Variants in KCNG4 observed in about 807,000 individuals in gnomAD.
The protein encoded by KCNG4 is potassium voltage-gated channel modifier subfamily G member 4, also known as voltage-gated potassium channel regulatory subunit KCNG4.
In KCNG4, 30 loss-of-function variants were observed where a neutral mutation model predicts 28.2. That is an observed-to-expected ratio of 1.06 (90% CI 0.80 to 1.44). KCNG4 has a LOEUF of 1.44. Among genes scored for constraint, KCNG4 ranks in the 40% most tolerant of loss-of-function variants. The probability of loss-of-function intolerance (pLI) is 0.00; values close to 1 mark genes in which losing one functional copy is unlikely to be tolerated. For synonymous variants in KCNG4, 375 were observed against 315.5 expected (o/e 1.19, Z -2.00); for missense variants, 879 against 712.3 (o/e 1.23, Z -2.66).
At chr16:84,229,610 C>T (rs1279755740) in intron 2 of KCNG4, among the ~76,000 whole-genome samples, 2 of 152,326 alleles carry the variant, frequency 1.3e-5, no homozygotes, top group African/African-American at 2.4e-5. Context: ...TCCCAGTGTC[C>T]AGCACAGGCC....
In KCNG4 at chr16:84,237,284, T is replaced by C. The variant is rs35075881; in HGVS notation, c.202A>G (p.Arg68Gly). The C allele has an allele frequency of 4.7e-4, 759 of 1,607,368 alleles. 7 individuals are homozygous for C. In the African/African-American group the frequency reaches 9.4e-3, roughly 20 times the overall value. Residue 68 changes from arginine (R) to glycine (G), a missense_variant, in exon 2 of 3, where the codon AGG becomes GGG. Coordinates refer to ENST00000308251, the MANE Select transcript of KCNG4 (RefSeq NM_172347.3). ...GTGCTCCAGGGGAGGAGATACCTCC[T>C]GCCCCCCACGTTGATCAGGATCTCC... The part of the protein sequence containing the change: ...KKEILINVGG[R>G]RYLLPWSTLD...
intron 1 of KCNG4, among the ~76,000 whole-genome samples, chr16:84,238,973 C>G (rs1389391785): frequency 6.6e-6 from 1 of 152,190 alleles, no homozygotes; most frequent in Admixed American, 6.5e-5. Flanking sequence ...TTAGCCACTT[C>G]ACATATTTAA....
rs557611723 is a variant in KCNG4, at chr16:84,239,369, C to T, written c.-41+301G>A. ...ATTTTCCCAGTGCAAAAACCAAGACCCAGCGAGCGGAAGTAACTTGTCCAA... is the reference window on the plus strand; with the variant it reads ...ATTTTCCCAGTGCAAAAACCAAGACTCAGCGAGCGGAAGTAACTTGTCCAA... On this transcript the variant is annotated intron_variant, in intron 1 of 2. Coordinates refer to ENST00000308251, the MANE Select transcript of KCNG4 (RefSeq NM_172347.3). Among the ~76,000 whole-genome samples the T allele has an allele frequency of 2.6e-5, 4 of 152,248 alleles. No individual in the cohort carries two copies. The South Asian group carries it at 8.3e-4, about 32-fold the overall frequency.
At position 84,220,006 on chromosome 16, in the gene KCNG4, T is replaced by C. The variant is rs1368304447; in HGVS notation, c.*2211A>G. 2 of 151,944 alleles carry C rather than the reference T, an allele frequency of 1.3e-5. No homozygotes were observed. The highest frequency in any genetic ancestry group is 2.4e-5 in the African/African-American group (1 of 41,364). The allele number at this position is 151,944 out of a possible 1,614,324, so 9.4% of individuals were successfully genotyped here. A position where few individuals can be genotyped will look rare whatever the true frequency, so the allele number is the denominator to read the frequency against. On this transcript the variant is annotated 3_prime_UTR_variant, in exon 3 of 3. Transcript: ENST00000308251. ...TGAACCCAGGAGGCGGAGGTTGCAG[T>C]GAGCTGGGATCAAGCCACTGCACTC...
rs777894951 is a variant in KCNG4, at chr16:84,222,758, C to T, written c.1019G>A (p.Arg340Gln). ...EKVGLVLRVL[R>Q]ALRILYVMRL... ...CATCACGTAGAGGATGCGCAGCGCT[C>T]GCAGCACACGCAGGACCAGCCCCAC... Residue 340 changes from arginine (R) to glutamine (Q), a missense_variant, in exon 3 of 3, where the codon CGA becomes CAA. Coordinates refer to ENST00000308251, the MANE Select transcript of KCNG4 (RefSeq NM_172347.3). 3.1e-5 allele frequency: 50 copies of T among 1,611,514 alleles called. No homozygotes were observed. Among genetic ancestry groups the T allele is most frequent in the Non-Finnish European group, 3.9e-5 (46 of 1,178,864 alleles).
Position 84,222,016 on chromosome 16 carries a change from G to A in KCNG4, c.*201C>T. ...GAGAGAGGAAAAGGCAAGCAGGCTG[G>A]ACACAGTCAGCCTGGGACATCGGGG... is the stretch of plus-strand genomic sequence containing the variant. On this transcript the variant is annotated 3_prime_UTR_variant, in exon 3 of 3. Transcript: ENST00000308251. 1 of 609,430 alleles carries A rather than the reference G, an allele frequency of 1.6e-6. No individual in the cohort carries two copies. The allele number at this position is 609,430 out of a possible 1,614,324, so 37.8% of individuals were successfully genotyped here.
At position 84,239,846 on chromosome 16, in the gene KCNG4, G is replaced by C. The variant is rs1236706653; in HGVS notation, c.-217C>G. 2 of 152,002 alleles carry C rather than the reference G, an allele frequency of 1.3e-5. No homozygotes were observed. Among genetic ancestry groups the C allele is most frequent in the Non-Finnish European group, 2.9e-5 (2 of 68,016 alleles). The allele number at this position is 152,002 out of a possible 1,614,324, so 9.4% of individuals were successfully genotyped here. A position where few individuals can be genotyped will look rare whatever the true frequency, so the allele number is the denominator to read the frequency against. On this transcript the variant is annotated 5_prime_UTR_variant, in exon 1 of 3. Coordinates refer to ENST00000308251, the MANE Select transcript of KCNG4 (RefSeq NM_172347.3). ...AATCTTTCTTCCCGTGCCTCCTCCA[G>C]AAACCAGAAGTTCATTCATTCTGCA...
chr16:84,220,860 C>G lies in KCNG4; in HGVS notation c.*1357G>C, dbSNP rs1408158367. On this transcript the variant is annotated 3_prime_UTR_variant, in exon 3 of 3. Transcript: ENST00000308251. ...ACTGGGCTTCTCATGCCCAATCCAG[C>G]CTCATCATCTCCCTAACCCACAGCC... is the stretch of plus-strand genomic sequence containing the variant. The G allele has an allele frequency of 1.3e-5, 2 of 152,328 alleles. No homozygotes were observed. Among genetic ancestry groups the G allele is most frequent in the African/African-American group, 4.8e-5 (2 of 41,470 alleles). 9.4% of individuals were successfully genotyped at this position (152,328 alleles called of 1,614,324 possible).
Position 84,237,277 on chromosome 16 carries a change from TA to T in KCNG4, c.208del (p.Tyr70IlefsTer13), listed in dbSNP as rs1451605262. 5 of 1,610,458 alleles carry T rather than the reference TA, an allele frequency of 3.1e-6. No homozygotes were observed. ...EILINVGGRR[Y>X]LLPWSTLDRF... The stretch of plus-strand genomic sequence containing the variant: ...GTCCAGTGTGCTCCAGGGGAGGAGA[TA>T]CCTCCTGCCCCCCACGTTGATCAGG... On this transcript the variant is annotated frameshift_variant, in exon 2 of 3. Transcript: ENST00000308251. LOFTEE classifies it high-confidence loss of function.
At position 84,222,859 on chromosome 16, in the gene KCNG4, G is replaced by T. The variant is rs1209336576; in HGVS notation, c.918C>A (p.Tyr306Ter). The part of the protein sequence containing the change: ...NIIDILAISP[Y>*]YVSLAVSEEP... ...CCTCAGACACCGCCAGCGACACGTAGTATGGGGAGATGGCCAGGATGTCGA... is the reference window on the plus strand; with the variant it reads ...CCTCAGACACCGCCAGCGACACGTATTATGGGGAGATGGCCAGGATGTCGA... Residue 306 changes from tyrosine (Y) to a stop codon, truncating the protein, a stop_gained, in exon 3 of 3, where the codon TAC becomes TAA. Coordinates refer to ENST00000308251, the MANE Select transcript of KCNG4 (RefSeq NM_172347.3). LOFTEE classifies it high-confidence loss of function. The T allele has an allele frequency of 2.5e-6, 4 of 1,612,394 alleles. No individual in the cohort carries two copies. Among genetic ancestry groups the T allele is most frequent in the Non-Finnish European group, 3.4e-6 (4 of 1,178,848 alleles).
rs1904502797 is a variant in KCNG4 at position 84,219,416 on chromosome 16, G to A, written c.*2801C>T. 1 of 152,256 alleles carries A rather than the reference G, an allele frequency of 6.6e-6. No homozygotes were observed. The highest frequency in any genetic ancestry group is 6.5e-5 in the Admixed American group (1 of 15,282). 9.4% of individuals were successfully genotyped at this position (152,256 alleles called of 1,614,324 possible). ...GGAGACTTTGTCCTTTTACTATTTT[G>A]CCTAAGCGTAGTTATTAAAATGTTA... On this transcript the variant is annotated 3_prime_UTR_variant, in exon 3 of 3. Coordinates refer to ENST00000308251, the MANE Select transcript of KCNG4 (RefSeq NM_172347.3).
At chr16:84,223,858 T>C (rs184780452) in intron 2 of KCNG4, among the ~76,000 whole-genome samples, 7 of 152,292 alleles carry the variant, frequency 4.6e-5, no homozygotes, top group Non-Finnish European at 1.5e-5. Flanking sequence ...ACAGATATCG[T>C]TTCTGATGGC....
rs1698207195 is a variant in KCNG4 at position 84,221,935 on chromosome 16, G to C, written c.*282C>G. The C allele has an allele frequency of 8.9e-6, 4 of 447,876 alleles. No individual in the cohort carries two copies. Among genetic ancestry groups the C allele is most frequent in the Non-Finnish European group, 1.6e-5 (4 of 250,444 alleles). The allele number at this position is 447,876 out of a possible 1,614,324, so 27.7% of individuals were successfully genotyped here. Reference sequence around the variant, plus strand: ...AAAGCCTCTGCTGGGAAGGAAAAGAGAATGAAAGGAGACTGAGCTACTCCA... The same window carrying C: ...AAAGCCTCTGCTGGGAAGGAAAAGACAATGAAAGGAGACTGAGCTACTCCA... On this transcript the variant is annotated 3_prime_UTR_variant, in exon 3 of 3. Transcript: ENST00000308251.
intron 2 of KCNG4, 111 bp downstream of exon 2, chr16:84,236,618 AT>A (rs1362033731): frequency 2.9e-5 from 33 of 1,123,256 alleles, no homozygotes; most frequent in Non-Finnish European, 3.4e-5. Context: ...GATAATATTC[AT>A]TTTTTTCTTC....
chr16:84,222,153 C>G lies in KCNG4; in HGVS notation c.*64G>C. The G allele has an allele frequency of 6.5e-7, 1 of 1,542,286 alleles. No individual in the cohort carries two copies. Among genetic ancestry groups the G allele is most frequent in the Non-Finnish European group, 8.9e-7 (1 of 1,123,276 alleles). On this transcript the variant is annotated 3_prime_UTR_variant, in exon 3 of 3. Transcript: ENST00000308251. The stretch of plus-strand genomic sequence containing the variant: ...CCACCAGGTGGTCTATGCGGGGTAC[C>G]CTTGAGTGTGTTTCAGGCAGGGTGA...
rs77104975 is a variant in KCNG4 at position 84,225,559 on chromosome 16, G to T, written c.757-2539C>A. ...TGGAAGGTTTTCAGACTCTGAGCTAGATTCTGCCTACAAGGCCTCTCTCTT... is the reference window on the plus strand; with the variant it reads ...TGGAAGGTTTTCAGACTCTGAGCTATATTCTGCCTACAAGGCCTCTCTCTT... On this transcript the variant is annotated intron_variant, in intron 2 of 2. Transcript: ENST00000308251. 5.9e-3 allele frequency among the ~76,000 whole-genome samples: 897 copies of T among 152,348 alleles called. 16 individuals carry two copies. Among genetic ancestry groups the T allele is most frequent in the East Asian group, 0.046 (241 of 5,188 alleles).
At chr16:84,225,586 G>A (rs1057186814) in intron 2 of KCNG4, among the ~76,000 whole-genome samples, 92 of 152,326 alleles carry the variant, frequency 6.0e-4, no homozygotes, top group Middle Eastern at 3.4e-3. Context: ...CTCTCTCTTT[G>A]CAGACATCCT....
rs139458919 is a variant in KCNG4, at chr16:84,225,627, T to C, written c.757-2607A>G. Among the ~76,000 whole-genome samples, 5 of 152,356 alleles carry C rather than the reference T, an allele frequency of 3.3e-5. No individual in the cohort carries two copies. The East Asian group carries it at 5.8e-4, about 18-fold the overall frequency. ...TTTCTCCCTAGGCTTAAAATACTTA[T>C]AGCCTGGGAATAACTTTTCCATACT... On this transcript the variant is annotated intron_variant, in intron 2 of 2. Transcript: ENST00000308251.
rs551649105 is a variant in KCNG4 at position 84,232,791 on chromosome 16, CA to C, written c.756+3938del. Among the ~76,000 whole-genome samples the C allele has an allele frequency of 1.1e-3, 166 of 150,880 alleles. 2 individuals are homozygous for C. The South Asian group carries it at 0.018, about 17-fold the overall frequency. The stretch of plus-strand genomic sequence containing the variant: ...ATGCCTGCCTGTGGTCCCAGCTGCT[CA>C]GGAGGCTGAGGCGGGAGGATTGCTT... On this transcript the variant is annotated intron_variant, in intron 2 of 2. Coordinates refer to ENST00000308251, the MANE Select transcript of KCNG4 (RefSeq NM_172347.3).
Sources: gnomAD v4.1 joint callset for allele counts (sites outside exome capture counted in the v4.1 genomes callset) on GRCh38, gnomAD v4.1.1 for gene constraint, MANE v1.5 for transcripts, NCBI Gene and HGNC (gene_info 2026-07-23, HGNC 2026-07-21) for gene names.